Variants in CDH13 observed in about 807,000 individuals in gnomAD.
CDH13 encodes cadherin 13.
CDH13 carries 24 observed loss-of-function variants against 63.8 expected under a neutral mutation model. The observed-to-expected ratio is 0.38, with a 90% CI of 0.27 to 0.53. The LOEUF is 0.53. Ranked by LOEUF, CDH13 falls within the 20% of genes least tolerant of loss-of-function variation. The probability of loss-of-function intolerance (pLI) is 0.85; values close to 1 mark genes in which losing one functional copy is unlikely to be tolerated. For synonymous variants in CDH13, 503 were observed against 355.3 expected, an observed-to-expected ratio of 1.42 and a Z score of -4.67; for missense variants, 1,049 against 903.1, an observed-to-expected ratio of 1.16 and a Z score of -2.07.
Position 83,136,002 on chromosome 16 carries a change from G to A in CDH13, c.483+10501G>A, listed in dbSNP as rs1428480240. ...CGCAAAAGCATAGGCATGATACAAC[G>A]GACTTTGGGGACTGGGAGGAAAGGA... On this transcript the variant is annotated intron_variant, in intron 4 of 13. Transcript: ENST00000567109. Among the ~76,000 whole-genome samples, 4 of 151,954 alleles carry A rather than the reference G, an allele frequency of 2.6e-5. No individual in the cohort carries two copies. In the South Asian group the frequency reaches 6.2e-4, roughly 24 times the overall value.
chr16:83,183,147 TG>T (rs2038403354), intron 4 of CDH13, among the ~76,000 whole-genome samples: 1 of 152,208 alleles, frequency 6.6e-6, no homozygotes. Context: ...TCGTCTTATT[TG>T]TATTTCAACC....
chr16:83,590,219 AG>A (rs2150735049), intron 7 of CDH13, among the ~76,000 whole-genome samples: 1 of 152,230 alleles, frequency 6.6e-6, no homozygotes, highest in South Asian at 2.1e-4. Context: ...TTTGGGGTGG[AG>A]AGGGGCATAG....
At chr16:83,588,846 A>G (rs2150733104) in intron 7 of CDH13, among the ~76,000 whole-genome samples, 1 of 152,280 alleles carries the variant, frequency 6.6e-6, no homozygotes, top group South Asian at 2.1e-4. Flanking sequence ...CAGGTGGGCG[A>G]GGAATGAGGT....
chr16:82,960,282 G>T (rs1906772579), intron 2 of CDH13, among the ~76,000 whole-genome samples: 1 of 152,162 alleles, frequency 6.6e-6, no homozygotes, highest in African/African-American at 2.4e-5. Flanking sequence ...AATTGTTTGT[G>T]GAAATTGGGA....
intron 10 of CDH13, among the ~76,000 whole-genome samples, chr16:83,741,488 G>A (rs200917433): frequency 4.8e-5 from 7 of 144,684 alleles, no homozygotes; most frequent in Non-Finnish European, 9.1e-5. Flanking sequence ...ATGTGTGTGT[G>A]TATATATATA....
At chr16:83,058,294 A>C (rs932255909) in intron 3 of CDH13, among the ~76,000 whole-genome samples, 1 of 152,150 alleles carries the variant, frequency 6.6e-6, no homozygotes, top group African/African-American at 2.4e-5. Flanking sequence ...GCACTCATCA[A>C]ATAAAGAGGC....
intron 6 of CDH13, among the ~76,000 whole-genome samples, chr16:83,451,846 T>G (rs967384779): frequency 1.3e-5 from 2 of 152,268 alleles, no homozygotes; most frequent in African/African-American, 2.4e-5. Flanking sequence ...GAAATATTCT[T>G]CCTCCTATTT....
chr16:83,519,976 A>G (rs4291893), intron 7 of CDH13, among the ~76,000 whole-genome samples: 85,145 of 151,838 alleles, frequency 0.56, 24,192 homozygotes, highest in African/African-American at 0.66. Flanking sequence ...ACAGCAAATC[A>G]TAGCAAATAA....
chr16:83,180,878 C>A, intron 4 of CDH13: 2 of 1,526,486 alleles, frequency 1.3e-6, no homozygotes. Flanking sequence ...AGAGAACCCA[C>A]AATCCTATTA....
intron 2 of CDH13, among the ~76,000 whole-genome samples, chr16:82,971,794 T>C (rs1908788866): frequency 6.6e-6 from 1 of 152,216 alleles, no homozygotes. Context: ...CTTAACTGCC[T>C]GTGCCCCTTA....
rs544748975 is a variant in CDH13 at position 82,652,476 on chromosome 16, C to T, written c.45+25339C>T. 3.2e-4 allele frequency among the ~76,000 whole-genome samples: 49 copies of T among 152,300 alleles called. No homozygotes were observed. The South Asian group carries it at 1.0e-2, about 31-fold the overall frequency. Reference sequence around the variant, plus strand: ...TTGAAGATAGACAGGTGGTTGCTGTCACTGCACCAGCAGCTTTTGAAGTTT... The same window carrying T: ...TTGAAGATAGACAGGTGGTTGCTGTTACTGCACCAGCAGCTTTTGAAGTTT... On this transcript the variant is annotated intron_variant, in intron 1 of 13. Transcript: ENST00000567109.
chr16:83,127,805 A>G (rs2035877127), intron 4 of CDH13, among the ~76,000 whole-genome samples: 2 of 152,306 alleles, frequency 1.3e-5, no homozygotes, highest in South Asian at 4.1e-4. Context: ...TAATCATTAT[A>G]TTTATCATTT....
At chr16:83,783,889 G>A (rs1283675454) in intron 13 of CDH13, among the ~76,000 whole-genome samples, 4 of 152,202 alleles carry the variant, frequency 2.6e-5, no homozygotes, top group Admixed American at 6.5e-5. Flanking sequence ...GAATAGTCGT[G>A]AGAATTTATG....
At chr16:83,005,414 G>A (rs181389636) in intron 2 of CDH13, among the ~76,000 whole-genome samples, 1 of 152,168 alleles carries the variant, frequency 6.6e-6, no homozygotes, top group Non-Finnish European at 1.5e-5. Flanking sequence ...AAAGTACCAA[G>A]GTAGGCTTAG....
At chr16:83,361,543 C>A (rs989138153) in intron 6 of CDH13, among the ~76,000 whole-genome samples, 2 of 152,136 alleles carry the variant, frequency 1.3e-5, no homozygotes, top group Non-Finnish European at 2.9e-5. Flanking sequence ...GGTTTTCTTC[C>A]AGGATTCTTA....
intron 1 of CDH13, among the ~76,000 whole-genome samples, chr16:82,730,592 G>T (rs2033350937): frequency 6.6e-6 from 1 of 152,210 alleles, no homozygotes; most frequent in African/African-American, 2.4e-5. Flanking sequence ...TAATTTGAAA[G>T]TTTGAAATAT....
chr16:83,619,446 G>C (rs1909601982), intron 8 of CDH13, among the ~76,000 whole-genome samples: 1 of 152,258 alleles, frequency 6.6e-6, no homozygotes, highest in African/African-American at 2.4e-5. Flanking sequence ...GGTATTACCA[G>C]CCATGTGGCT....
At chr16:82,730,371 A>G (rs1462704464) in intron 1 of CDH13, among the ~76,000 whole-genome samples, 1 of 152,124 alleles carries the variant, frequency 6.6e-6, no homozygotes, top group East Asian at 1.9e-4. Context: ...GCCAAATTTC[A>G]TTATTATGTG....
At chr16:82,997,206 A>G (rs1218326541) in intron 2 of CDH13, among the ~76,000 whole-genome samples, 3 of 152,046 alleles carry the variant, frequency 2.0e-5, no homozygotes, top group Middle Eastern at 3.4e-3. Context: ...AGTGATGATG[A>G]TAATGATGGT....
Sources: allele counts gnomAD v4.1 joint callset (sites outside exome capture counted in the v4.1 genomes callset), GRCh38; gene constraint gnomAD v4.1.1; transcripts MANE v1.5; gene names NCBI Gene and HGNC (gene_info 2026-07-23, HGNC 2026-07-21).